PIK3C2B: variants seen among roughly 807,000 people sequenced by gnomAD.
PIK3C2B encodes the protein phosphatidylinositol 4-phosphate 3-kinase C2 domain-containing subunit beta.
In PIK3C2B, 83 loss-of-function variants were observed where a neutral mutation model predicts 184.3. That is an observed-to-expected ratio of 0.45 (90% CI 0.38 to 0.54). PIK3C2B has a LOEUF of 0.54. Among genes scored for constraint, PIK3C2B ranks in the 20% least tolerant of loss-of-function variants. The pLI, the probability that PIK3C2B is intolerant of heterozygous loss-of-function variation, is 0.00. For synonymous variants in PIK3C2B, 779 were observed against 837.6 expected (o/e 0.93, Z 1.21); for missense variants, 1,736 against 2,113.5 (o/e 0.82, Z 3.50).
chr1:204,474,332 A>G (rs1478275398), intron 1 of PIK3C2B, among the ~76,000 whole-genome samples: 1 of 152,098 alleles, frequency 6.6e-6, no homozygotes, highest in Non-Finnish European at 1.5e-5. Flanking sequence ...TTCCATTCTC[A>G]GCCAAGCTTC....
At chr1:204,448,819 T>C (rs1654096991) in intron 14 of PIK3C2B, among the ~76,000 whole-genome samples, 1 of 152,132 alleles carries the variant, frequency 6.6e-6, no homozygotes, top group Non-Finnish European at 1.5e-5. Flanking sequence ...ACTGAGTCAC[T>C]GGCAGGGGCA....
intron 5 of PIK3C2B, among the ~76,000 whole-genome samples, chr1:204,462,483 T>G (rs948108333): frequency 6.6e-6 from 1 of 152,340 alleles, no homozygotes; most frequent in African/African-American, 2.4e-5. Context: ...ACCTGTGTAA[T>G]GGCGTCAGCA....
intron 24 of PIK3C2B, among the ~76,000 whole-genome samples, 171 bp from the exon 25 acceptor site, chr1:204,434,120 A>G (rs1209856440): frequency 3.9e-5 from 6 of 152,182 alleles, no homozygotes; most frequent in African/African-American, 1.4e-4. Flanking sequence ...AAAGATCTCT[A>G]TATCCTTCAT....
chr1:204,482,077 A>G (rs1657197926), intron 1 of PIK3C2B, among the ~76,000 whole-genome samples: 3 of 139,750 alleles, frequency 2.1e-5, no homozygotes. Context: ...TAAGACTTCT[A>G]TTTTCCCAGG....
At chr1:204,445,476 A>C (rs1434718697) in intron 16 of PIK3C2B, among the ~76,000 whole-genome samples, 1 of 151,798 alleles carries the variant, frequency 6.6e-6, no homozygotes, top group Non-Finnish European at 1.5e-5. Flanking sequence ...TGCACTGTGC[A>C]CTTGTTGTTC....
intron 1 of PIK3C2B, among the ~76,000 whole-genome samples, chr1:204,481,567 G>A (rs987176388): frequency 6.6e-6 from 1 of 152,134 alleles, no homozygotes; most frequent in Non-Finnish European, 1.5e-5. Context: ...CACATTCTTA[G>A]TGTCACTGGC....
At position 204,457,211 on chromosome 1, in the gene PIK3C2B, A is replaced by G. The variant is rs548570804; in HGVS notation, c.1714-141T>C. 7.3e-6 allele frequency: 5 copies of G among 688,578 alleles called. No homozygotes were observed. The East Asian group carries it at 1.4e-4, about 19-fold the overall frequency. 42.7% of individuals were successfully genotyped at this position (688,578 alleles called of 1,614,324 possible). On this transcript the variant is annotated intron_variant, in intron 9 of 32. Coordinates refer to ENST00000684373, the MANE Select transcript of PIK3C2B (RefSeq NM_001377334.1). ...GTAGCTGAGAATCCCCAGAGAGGAG[A>G]GAGTAATGGTTTGTACCAGATCTGT...
intron 12 of PIK3C2B, among the ~76,000 whole-genome samples, chr1:204,453,328 C>T (rs1451891996): frequency 2.0e-5 from 3 of 152,214 alleles, no homozygotes; most frequent in Admixed American, 6.5e-5. Flanking sequence ...CCCTCTCCTC[C>T]GTTTCCTTCC....
chr1:204,487,285 TG>T (rs1229659392), intron 1 of PIK3C2B, among the ~76,000 whole-genome samples: 1 of 152,246 alleles, frequency 6.6e-6, no homozygotes, highest in Non-Finnish European at 1.5e-5. Context: ...TTTAAATTTT[TG>T]TATAGATAAA....
intron 9 of PIK3C2B, 28 bp downstream of exon 9, chr1:204,457,699 TC>T: frequency 6.4e-7 from 1 of 1,574,252 alleles, no homozygotes; most frequent in Non-Finnish European, 8.6e-7. Flanking sequence ...TCTCTTCCTT[TC>T]CCCTGCTAGC....
chr1:204,457,038 T>C lies in PIK3C2B; in HGVS notation c.1746A>G (p.Arg582=), dbSNP rs766027052. 6.4e-7 allele frequency: 1 copy of C among 1,566,676 alleles called. No homozygotes were observed. The highest frequency in any genetic ancestry group is 1.2e-5 in the South Asian group (1 of 85,152). Residue 582 remains arginine, a splice_region_variant and synonymous_variant, in exon 10 of 33, where the codon CGA becomes CGG. Transcript: ENST00000684373. Reference sequence around the variant, plus strand: ...GAAGATGGAGAGCAGTTCCCTTACCTCGGTTTTCCCTCACAGCCAAGACAC... The same window carrying C: ...GAAGATGGAGAGCAGTTCCCTTACCCCGGTTTTCCCTCACAGCCAAGACAC... The part of the protein sequence containing the change: ...DPSVLAVREN[R]EKVVEALTAA...
At chr1:204,443,739 G>A in intron 18 of PIK3C2B, 142 bp from the exon 19 acceptor site, 1 of 727,578 alleles carries the variant, frequency 1.4e-6, no homozygotes, top group Non-Finnish European at 2.4e-6. Flanking sequence ...TGTATGTACG[G>A]CTCATATGGA....
chr1:204,463,118 C>T (rs1411835160), intron 5 of PIK3C2B, among the ~76,000 whole-genome samples: 1 of 152,122 alleles, frequency 6.6e-6, no homozygotes, highest in Non-Finnish European at 1.5e-5. Context: ...ATCTTATGCT[C>T]TAGACATAGA....
chr1:204,461,489 G>T (rs61761714), intron 5 of PIK3C2B, among the ~76,000 whole-genome samples: 1 of 152,184 alleles, frequency 6.6e-6, no homozygotes, highest in Non-Finnish European at 1.5e-5. Flanking sequence ...AACAGAAGCC[G>T]GAAAAGGACT....
Position 204,433,719 on chromosome 1 carries a change from GC to G in PIK3C2B, c.3843+73del, listed in dbSNP as rs1675193749. ...GGTAAATCTCTAGAAATCCTCTGCGGCAAGACAGGGAAGTCTTAAAGATGAT... is the reference window on the plus strand; with the variant it reads ...GGTAAATCTCTAGAAATCCTCTGCGGAAGACAGGGAAGTCTTAAAGATGAT... On this transcript the variant is annotated intron_variant, in intron 25 of 32. Transcript: ENST00000684373. The surrounding 1 kb of genome is among the most constrained non-coding windows in gnomAD (Gnocchi z 5.0). 10 of 1,389,912 alleles carry G rather than the reference GC, an allele frequency of 7.2e-6. No individual in the cohort carries two copies. In the East Asian group the frequency reaches 2.1e-4, roughly 29 times the overall value. The allele number at this position is 1,389,912 out of a possible 1,614,324, so 86.1% of individuals were successfully genotyped here.
At chr1:204,441,309 T>A (rs925351068) in intron 21 of PIK3C2B, among the ~76,000 whole-genome samples, 162 bp downstream of exon 21, 1 of 152,214 alleles carries the variant, frequency 6.6e-6, no homozygotes, top group African/African-American at 2.4e-5. Flanking sequence ...TCTGGGGCCA[T>A]GCAGAATTCA....
chr1:204,425,817 C>T (rs1478329892), intron 31 of PIK3C2B, 76 bp from the exon 32 acceptor site: 2 of 1,398,152 alleles, frequency 1.4e-6, no homozygotes, highest in Non-Finnish European at 2.0e-6. Context: ...TGTGATCACA[C>T]TCTGATCCAG....
chr1:204,469,646 C>T lies in PIK3C2B; in HGVS notation c.157G>A (p.Ala53Thr), dbSNP rs1403962633. 6.8e-6 allele frequency: 11 copies of T among 1,613,318 alleles called. No individual in the cohort carries two copies. In the Admixed American group the frequency reaches 1.0e-4, roughly 15 times the overall value. Reference sequence around the variant, plus strand: ...TCCCAGCTGATGAGAGAGGGGTCTGCGTTCTGCTTGGCTCTGTTCTCCTCC... The same window carrying T: ...TCCCAGCTGATGAGAGAGGGGTCTGTGTTCTGCTTGGCTCTGTTCTCCTCC... ...DKEENRAKQN[A>T]DPSLISWDEP... The change falls in exon 2 of 33, where the codon GCA becomes ACA. Residue 53 changes from alanine (A) to threonine (T), a missense_variant. Ala to Thr is a moderately conservative substitution (Grantham distance 58, BLOSUM62 0). Around this residue, in one of 8 missense-constraint regions of PIK3C2B, gnomAD observed 404 missense variants for 418.0 expected, o/e 0.97. Coordinates refer to ENST00000684373, the MANE Select transcript of PIK3C2B (RefSeq NM_001377334.1).
At chr1:204,431,942 T>C in intron 27 of PIK3C2B, 149 bp from the exon 28 acceptor site, 2 of 899,086 alleles carry the variant, frequency 2.2e-6, no homozygotes, top group Non-Finnish European at 3.5e-6. Context: ...TGATAGCACA[T>C]ACACAGGAAT....
Sources: gnomAD v4.1 joint callset for allele counts (sites outside exome capture counted in the v4.1 genomes callset) on GRCh38, gnomAD v4.1.1 for gene constraint, gnomAD v4.1.1 regional missense constraint, Gnocchi (gnomAD v3.1) non-coding constraint, MANE v1.5 for transcripts, NCBI Gene and HGNC (gene_info 2026-07-23, HGNC 2026-07-21) for gene names.